The following PRPF18 variants were observed in gnomAD, a reference collection of about 807,000 sequenced individuals.
PRPF18 encodes pre-mRNA processing factor 18.
PRPF18 carries 38 observed loss-of-function variants against 46.5 expected under a neutral mutation model. The ratio of observed to expected loss-of-function variants is 0.82; its 90% CI spans 0.63 to 1.07. The LOEUF (loss-of-function observed/expected upper bound fraction) is 1.07, where lower values mean the gene tolerates loss of function less well. Ranked by LOEUF, PRPF18 falls within the 50% of genes least tolerant of loss-of-function variation. The pLI is 0.00. For synonymous variants in PRPF18, 152 were observed against 146.7 expected (o/e 1.04, Z -0.26); for missense variants, 263 against 410.0 (o/e 0.64, Z 3.10).
At chr10:13,622,927 G>A (rs369973843) in intron 9 of PRPF18, among the ~76,000 whole-genome samples, 2 of 152,180 alleles carry the variant, frequency 1.3e-5, no homozygotes, top group African/African-American at 4.8e-5. Context: ...GGCCGGGCAC[G>A]GTGGCTCACG....
At chr10:13,620,354 A>G (rs747757231) in intron 9 of PRPF18, among the ~76,000 whole-genome samples, 7 of 152,252 alleles carry the variant, frequency 4.6e-5, no homozygotes, top group Non-Finnish European at 1.0e-4. Context: ...CCTTTTTTAC[A>G]CTAAGATGTT....
chr10:13,640,320 C>T, the PRPF18 span: 1 of 152,126 alleles, frequency 6.6e-6, no homozygotes, highest in Non-Finnish European at 1.5e-5. Context: ...AATCATCTCT[C>T]TTAGAATAAT....
At chr10:13,615,276 A>G (rs1178747924) in intron 8 of PRPF18, among the ~76,000 whole-genome samples, 1 of 152,228 alleles carries the variant, frequency 6.6e-6, no homozygotes, top group Non-Finnish European at 1.5e-5. Flanking sequence ...ATCAGAACTA[A>G]GTGCAAGTGC....
At chr10:13,597,270 G>A (rs536338353) in intron 1 of PRPF18, among the ~76,000 whole-genome samples, 188 bp from the exon 2 acceptor site, 5 of 152,256 alleles carry the variant, frequency 3.3e-5, no homozygotes, top group South Asian at 4.1e-4. Context: ...GCCCATAGTC[G>A]TAGTGGAGGG....
At chr10:13,647,064 A>AT in the PRPF18 span, 2 of 604,118 alleles carry the variant, frequency 3.3e-6, no homozygotes, top group Non-Finnish European at 4.1e-6. Flanking sequence ...AGGAGATGAG[A>AT]CAGTTAGTTA....
At chr10:13,655,867 G>C in the PRPF18 span, 1 of 152,120 alleles carries the variant, frequency 6.6e-6, no homozygotes, top group Admixed American at 6.5e-5. Flanking sequence ...TGCTGAGACC[G>C]GAGCACGAGG....
In PRPF18 at chr10:13,587,169, C is replaced by T. The variant is rs751478825; in HGVS notation, c.66+17C>T. The T allele has an allele frequency of 1.0e-5, 16 of 1,607,572 alleles. No individual in the cohort carries two copies. The highest frequency in any genetic ancestry group is 1.6e-4 in the Middle Eastern group (1 of 6,070). ...CTGCTGGTGGTGAGGACCCTGCGGT[C>T]GTGGGGGTCGGGATGTAAGAGTGAG... is the stretch of plus-strand genomic sequence containing the variant. On this transcript the variant is annotated intron_variant, in intron 1 of 9. Transcript: ENST00000378572.
chr10:13,624,702 A>G (rs1458060714), intron 9 of PRPF18, among the ~76,000 whole-genome samples: 1 of 152,168 alleles, frequency 6.6e-6, no homozygotes, highest in Non-Finnish European at 1.5e-5. Context: ...CCAGGCTTTC[A>G]CCCCTCAGTT....
chr10:13,606,180 C>T (rs1212928958), intron 4 of PRPF18, among the ~76,000 whole-genome samples: 1 of 152,140 alleles, frequency 6.6e-6, no homozygotes, highest in Non-Finnish European at 1.5e-5. Flanking sequence ...TCCCCAGTAC[C>T]CCTTCTCAGC....
intron 3 of PRPF18, 55 bp from the exon 4 acceptor site, chr10:13,605,576 T>C (rs2080171072): frequency 2.0e-6 from 2 of 993,052 alleles, no homozygotes; most frequent in African/African-American, 2.7e-5. Flanking sequence ...AGTGAGACTG[T>C]CTCAAAAAAA....
chr10:13,640,125 G>A, the PRPF18 span: 1 of 152,202 alleles, frequency 6.6e-6, no homozygotes, highest in Non-Finnish European at 1.5e-5. Flanking sequence ...CCAGGAGAGT[G>A]GTGTCCACGC....
At chr10:13,653,121 C>T in the PRPF18 span, 1 of 151,850 alleles carries the variant, frequency 6.6e-6, no homozygotes, top group Non-Finnish European at 1.5e-5. Context: ...AAGCTGCTCG[C>T]AGCCTTTGAG....
intron 2 of PRPF18, among the ~76,000 whole-genome samples, chr10:13,597,864 T>C (rs1284916514): frequency 6.6e-6 from 1 of 151,614 alleles, no homozygotes; most frequent in African/African-American, 2.4e-5. Flanking sequence ...CCACCACTCC[T>C]CTCCCCCACC....
At chr10:13,610,259 A>C in intron 5 of PRPF18, 74 bp downstream of exon 5, 1 of 1,498,906 alleles carries the variant, frequency 6.7e-7, no homozygotes, top group Non-Finnish European at 9.1e-7. Flanking sequence ...TGAGTCGGGC[A>C]GATTGTTGAG....
the PRPF18 span, chr10:13,652,412 G>C: frequency 5.6e-6 from 1 of 178,156 alleles, no homozygotes. Flanking sequence ...GATCAGGTGA[G>C]ACTGGGCATG....
chr10:13,626,758 A>AGAGT (rs536459311), intron 9 of PRPF18, among the ~76,000 whole-genome samples: 192 of 152,262 alleles, frequency 1.3e-3, no homozygotes, highest in Middle Eastern at 6.8e-3. Context: ...GGATTTGGAA[A>AGAGT]GAGTGAGGTA....
chr10:13,652,120 G>A, the PRPF18 span: 1 of 672,616 alleles, frequency 1.5e-6, no homozygotes, highest in Admixed American at 2.2e-5. Context: ...GATCATACAA[G>A]TCATGCAGTA....
chr10:13,616,371 TG>T (rs745986439), intron 8 of PRPF18, 26 bp from the exon 9 acceptor site: 1 of 1,579,678 alleles, frequency 6.3e-7, no homozygotes, highest in African/African-American at 1.4e-5. Context: ...TTCGCCTTTC[TG>T]ATTTCTTCTT....
At chr10:13,618,635 AAAAAAAG>A (rs2080379908) in intron 9 of PRPF18, among the ~76,000 whole-genome samples, 1 of 151,122 alleles carries the variant, frequency 6.6e-6, no homozygotes, top group African/African-American at 2.4e-5. Flanking sequence ...AAAAAAAAAA[AAAAAAAG>A]AAAGAATTTA....
Sources: allele counts gnomAD v4.1 joint callset (sites outside exome capture counted in the v4.1 genomes callset), GRCh38; gene constraint gnomAD v4.1.1; transcripts MANE v1.5; gene names NCBI Gene and HGNC (gene_info 2026-07-23, HGNC 2026-07-21).